KCNA2: variants seen among roughly 807,000 people sequenced by gnomAD.
KCNA2 encodes potassium channel, voltage gated shaker related subfamily A, member 2.
KCNA2 carries 11 observed loss-of-function variants against 33.4 expected under a neutral mutation model. That is an observed-to-expected ratio of 0.33 (90% CI 0.21 to 0.55). The LOEUF is 0.55. KCNA2 is among the 20% of genes least tolerant of loss of function. The pLI is 0.93. For synonymous variants in KCNA2, 222 were observed against 231.3 expected (o/e 0.96, Z 0.37); for missense variants, 291 against 621.6 (o/e 0.47, Z 5.66).
intron 1 of KCNA2, among the ~76,000 whole-genome samples, chr1:110,628,463 G>C (rs745565002): frequency 1.6e-4 from 24 of 152,082 alleles, no homozygotes; most frequent in Non-Finnish European, 2.5e-4. Flanking sequence ...TTTCCACTTG[G>C]TGACAGTACT....
At chr1:110,617,550 A>T (rs1192554936) in intron 1 of KCNA2, among the ~76,000 whole-genome samples, 1 of 152,226 alleles carries the variant, frequency 6.6e-6, no homozygotes, top group African/African-American at 2.4e-5. Context: ...GTCTAAGAGC[A>T]GAGGCAGGAA....
Position 110,598,220 on chromosome 1 carries a change from C to G in KCNA2, c.*5063G>C. The G allele has an allele frequency of 1.9e-6, 1 of 525,244 alleles. No individual in the cohort carries two copies. Among genetic ancestry groups the G allele is most frequent in the Non-Finnish European group, 2.4e-6 (1 of 409,666 alleles). 32.5% of individuals were successfully genotyped at this position (525,244 alleles called of 1,614,324 possible). The stretch of plus-strand genomic sequence containing the variant: ...GCCCTCGCAGATGAGGCGGCCATCA[C>G]CCACATACAAGTTATTATGACAATG... On this transcript the variant is annotated 3_prime_UTR_variant, in exon 3 of 3. Coordinates refer to ENST00000316361, the MANE Select transcript of KCNA2 (RefSeq NM_004974.4).
At chr1:110,619,017 T>G (rs1650161568) in intron 1 of KCNA2, among the ~76,000 whole-genome samples, 1 of 152,166 alleles carries the variant, frequency 6.6e-6, no homozygotes, top group Non-Finnish European at 1.5e-5. Flanking sequence ...AGTCCAGTAG[T>G]TGTTCACTAC....
rs376514916 is a variant in KCNA2 at position 110,594,840 on chromosome 1, C to T, written c.*8443G>A. The T allele has an allele frequency of 1.0e-6, 1 of 985,188 alleles. No homozygotes were observed. Among genetic ancestry groups the T allele is most frequent in the African/African-American group, 1.7e-5 (1 of 57,172 alleles). The allele number at this position is 985,188 out of a possible 1,614,324, so 61.0% of individuals were successfully genotyped here. A position where few individuals can be genotyped will look rare whatever the true frequency, so the allele number is the denominator to read the frequency against. On this transcript the variant is annotated 3_prime_UTR_variant, in exon 3 of 3. Transcript: ENST00000316361. ...TGGAGCTGATGTGCTCCTTTCCAGC[C>T]CCACCTGGCAGGTCAAAGTCCTTGC...
intron 1 of KCNA2, among the ~76,000 whole-genome samples, chr1:110,616,819 G>A (rs1049433854): frequency 4.6e-5 from 7 of 152,246 alleles, no homozygotes; most frequent in Non-Finnish European, 8.8e-5. Context: ...CACACAGAGC[G>A]TGGCACAGAG....
chr1:110,601,689 C>A lies in KCNA2; in HGVS notation c.*1594G>T. 1 of 1,099,326 alleles carries A rather than the reference C, an allele frequency of 9.1e-7. No individual in the cohort carries two copies. The highest frequency in any genetic ancestry group is 1.1e-6 in the Non-Finnish European group (1 of 905,402). 68.1% of individuals were successfully genotyped at this position (1,099,326 alleles called of 1,614,324 possible). A position where few individuals can be genotyped will look rare whatever the true frequency, so the allele number is the denominator to read the frequency against. Reference sequence around the variant, plus strand: ...AGCAAACCCAGGCCCAGTGGGGTTACCAATGAGACAAATTAACCCATTAGG... The same window carrying A: ...AGCAAACCCAGGCCCAGTGGGGTTAACAATGAGACAAATTAACCCATTAGG... On this transcript the variant is annotated 3_prime_UTR_variant, in exon 3 of 3. Transcript: ENST00000316361.
At chr1:110,628,604 G>T (rs552412065) in intron 1 of KCNA2, among the ~76,000 whole-genome samples, 17 of 152,182 alleles carry the variant, frequency 1.1e-4, no homozygotes, top group South Asian at 4.1e-4. Flanking sequence ...TCCAGTGTCC[G>T]GCATCTGGTG....
At chr1:110,613,035 A>G (rs1184642173) in intron 1 of KCNA2, among the ~76,000 whole-genome samples, 2 of 152,188 alleles carry the variant, frequency 1.3e-5, no homozygotes, top group Admixed American at 1.3e-4. Flanking sequence ...GGATTAAATG[A>G]GATAGTGGGC....
chr1:110,618,515 C>T (rs552808157), intron 1 of KCNA2, among the ~76,000 whole-genome samples: 14 of 152,134 alleles, frequency 9.2e-5, no homozygotes, highest in African/African-American at 1.9e-4. Context: ...CCTTTCCTTT[C>T]GGAGGTAGGA....
chr1:110,614,049 C>T (rs1459925861), intron 1 of KCNA2, among the ~76,000 whole-genome samples: 1 of 152,214 alleles, frequency 6.6e-6, no homozygotes, highest in Non-Finnish European at 1.5e-5. Context: ...AATTATCCTT[C>T]TTGAAGCTTT....
chr1:110,596,335 C>A lies in KCNA2; in HGVS notation c.*6948G>T. 2 of 335,436 alleles carry A rather than the reference C, an allele frequency of 6.0e-6. No homozygotes were observed. The highest frequency in any genetic ancestry group is 8.4e-6 in the Non-Finnish European group (2 of 239,212). The allele number at this position is 335,436 out of a possible 1,614,324, so 20.8% of individuals were successfully genotyped here. A position where few individuals can be genotyped will look rare whatever the true frequency, so the allele number is the denominator to read the frequency against. ...AAAATAGTATACATATATACATATA[C>A]TATATATATATATATACACACATAA... On this transcript the variant is annotated 3_prime_UTR_variant, in exon 3 of 3. Transcript: ENST00000316361.
chr1:110,600,761 A>G lies in KCNA2; in HGVS notation c.*2522T>C. 6 of 985,352 alleles carry G rather than the reference A, an allele frequency of 6.1e-6. No homozygotes were observed. Among genetic ancestry groups the G allele is most frequent in the South Asian group, 4.7e-5 (1 of 21,276 alleles). 61.0% of individuals were successfully genotyped at this position (985,352 alleles called of 1,614,324 possible). ...CCTTGGAAATTCAGCACCACCTCCC[A>G]TGAAGGAGAGGAAGAGAAGCACAGA... On this transcript the variant is annotated 3_prime_UTR_variant, in exon 3 of 3. Transcript: ENST00000316361.
Position 110,595,769 on chromosome 1 carries a change from G to C in KCNA2, c.*7514C>G. ...TCATAATAAAAAACAGAATGGATTT[G>C]TTAGTTCCATTGATTGCCACAAACC... On this transcript the variant is annotated 3_prime_UTR_variant, in exon 3 of 3. Transcript: ENST00000316361. 2.0e-6 allele frequency: 2 copies of C among 985,442 alleles called. No individual in the cohort carries two copies. The allele number at this position is 985,442 out of a possible 1,614,324, so 61.0% of individuals were successfully genotyped here. A position where few individuals can be genotyped will look rare whatever the true frequency, so the allele number is the denominator to read the frequency against.
rs1230730075 is a variant in KCNA2, at chr1:110,597,598, C to T, written c.*5685G>A. On this transcript the variant is annotated 3_prime_UTR_variant, in exon 3 of 3. Transcript: ENST00000316361. ...ATACACTGCATCTTAGCATATGTGTCCATTCCAGAAGGAGGTCAGATCTCA... is the reference window on the plus strand; with the variant it reads ...ATACACTGCATCTTAGCATATGTGTTCATTCCAGAAGGAGGTCAGATCTCA... 4.1e-6 allele frequency: 4 copies of T among 985,270 alleles called. No individual in the cohort carries two copies. The highest frequency in any genetic ancestry group is 4.8e-6 in the Non-Finnish European group (4 of 829,946). 61.0% of individuals were successfully genotyped at this position (985,270 alleles called of 1,614,324 possible). A position where few individuals can be genotyped will look rare whatever the true frequency, so the allele number is the denominator to read the frequency against.
upstream of KCNA2, chr1:110,606,812 G>C (rs997142591): frequency 1.3e-5 from 2 of 152,318 alleles, no homozygotes; most frequent in African/African-American, 4.8e-5. Flanking sequence ...GCAGCCCACG[G>C]CCCCAGCGAA....
At chr1:110,612,086 CCTCATGGTTTGGAG>C (rs1649892469) in intron 1 of KCNA2, among the ~76,000 whole-genome samples, 1 of 152,130 alleles carries the variant, frequency 6.6e-6, no homozygotes, top group African/African-American at 2.4e-5. Context: ...GTAGTCCCTC[CCTCATGGTTTGGAG>C]CTGCTGCTCT....
At position 110,602,371 on chromosome 1, in the gene KCNA2, GT is replaced by G. The variant is rs1040800470; in HGVS notation, c.*911del. On this transcript the variant is annotated 3_prime_UTR_variant, in exon 3 of 3. Transcript: ENST00000316361. ...ACTAGGAAAATAGGTTATCTCCTGT[GT>G]TTTAAATATTGAGATTCATGCAACA... The G allele has an allele frequency of 7.1e-7, 1 of 1,402,930 alleles. No individual in the cohort carries two copies. The highest frequency in any genetic ancestry group is 1.4e-5 in the African/African-American group (1 of 69,188). The allele number at this position is 1,402,930 out of a possible 1,614,324, so 86.9% of individuals were successfully genotyped here. A position where few individuals can be genotyped will look rare whatever the true frequency, so the allele number is the denominator to read the frequency against.
intron 1 of KCNA2, among the ~76,000 whole-genome samples, chr1:110,627,776 G>C (rs1450777425): frequency 6.6e-6 from 1 of 151,612 alleles, no homozygotes; most frequent in Non-Finnish European, 1.5e-5. Flanking sequence ...ATTGCAGTGA[G>C]CCACGATCCC....
intron 1 of KCNA2, among the ~76,000 whole-genome samples, chr1:110,618,327 G>A (rs769036150): frequency 2.6e-5 from 4 of 152,222 alleles, no homozygotes; most frequent in Non-Finnish European, 5.9e-5. Context: ...TGGCTGACAT[G>A]TGAGTGACCT....
Sources: allele counts gnomAD v4.1 joint callset (sites outside exome capture counted in the v4.1 genomes callset), GRCh38; gene constraint gnomAD v4.1.1; transcripts MANE v1.5; gene names NCBI Gene and HGNC (gene_info 2026-07-23, HGNC 2026-07-21).